The following TMEM68 variants were observed in gnomAD, a reference collection of about 807,000 sequenced individuals.
TMEM68 encodes DGAT1/2-independent enzyme synthesizing storage lipids.
In TMEM68, 25 loss-of-function variants were observed where a neutral mutation model predicts 36.9. That is an observed-to-expected ratio of 0.68 (90% CI 0.49 to 0.95). The LOEUF (loss-of-function observed/expected upper bound fraction) is 0.95. Ranked by LOEUF, TMEM68 falls within the 40% of genes least tolerant of loss-of-function variation. The probability of loss-of-function intolerance (pLI) is 0.00; values close to 1 mark genes in which losing one functional copy is unlikely to be tolerated. For synonymous variants in TMEM68, 131 were observed against 124.4 expected (o/e 1.05, Z -0.35); for missense variants, 333 against 392.0 (o/e 0.85, Z 1.27).
chr8:55,744,956 C>T (rs1011516120), intron 6 of TMEM68, 105 bp downstream of exon 6: 3 of 639,404 alleles, frequency 4.7e-6, no homozygotes, highest in Non-Finnish European at 7.2e-6. Context: ...AATAGTATAT[C>T]CATTTTCTAA....
intron 1 of TMEM68, among the ~76,000 whole-genome samples, chr8:55,769,639 C>CT (rs542678482): frequency 3.0e-4 from 45 of 147,920 alleles, no homozygotes; most frequent in Non-Finnish European, 5.0e-4. Context: ...TCGTCTAAAA[C>CT]TTTTTTTTTT....
At chr8:55,746,469 T>C (rs1041938835) in intron 5 of TMEM68, 1 of 152,050 alleles carries the variant, frequency 6.6e-6, no homozygotes, top group Non-Finnish European at 1.5e-5. Flanking sequence ...TAATGAAGTA[T>C]TGATATGTAA....
intron 5 of TMEM68, chr8:55,748,123 G>A (rs1029119966): frequency 1.3e-5 from 2 of 152,144 alleles, no homozygotes; most frequent in African/African-American, 4.8e-5. Context: ...CATCCTTAAA[G>A]CCACAAGCAT....
At chr8:55,761,402 T>A (rs1810786210) in intron 3 of TMEM68, 1 of 152,230 alleles carries the variant, frequency 6.6e-6, no homozygotes, top group South Asian at 2.1e-4. Context: ...GCAGTAGAAA[T>A]CTTACTGGAC....
At chr8:55,743,712 A>G (rs1338394231) in intron 6 of TMEM68, 92 bp from the exon 7 acceptor site, 1 of 1,203,274 alleles carries the variant, frequency 8.3e-7, no homozygotes, top group Non-Finnish European at 1.1e-6. Flanking sequence ...GACTTACAGG[A>G]AGGTGGCAAA....
At chr8:55,772,213 T>C (rs190931286) in intron 1 of TMEM68, among the ~76,000 whole-genome samples, 4 of 152,348 alleles carry the variant, frequency 2.6e-5, no homozygotes, top group African/African-American at 9.6e-5. Context: ...ATATTTCCAC[T>C]AACTAGTAAA....
intron 7 of TMEM68, among the ~76,000 whole-genome samples, chr8:55,742,795 C>T (rs186508871): frequency 4.6e-4 from 69 of 150,242 alleles, no homozygotes; most frequent in Non-Finnish European, 7.8e-4. Flanking sequence ...GAGAACATGA[C>T]ATTTGTAGGG....
intron 5 of TMEM68, chr8:55,746,351 A>G (rs561708613): frequency 8.8e-4 from 124 of 141,662 alleles, no homozygotes; most frequent in African/African-American, 3.1e-3. Flanking sequence ...AGAATTCTCC[A>G]TAATTGATTG....
chr8:55,766,187 T>G (rs545660745), intron 1 of TMEM68, among the ~76,000 whole-genome samples: 11 of 138,794 alleles, frequency 7.9e-5, no homozygotes, highest in Admixed American at 1.5e-4. Context: ...CTCTAAAAGA[T>G]ATTTTTCAGC....
At chr8:55,758,287 A>G (rs1238261600) in intron 3 of TMEM68, among the ~76,000 whole-genome samples, 2 of 152,194 alleles carry the variant, frequency 1.3e-5, no homozygotes, top group Non-Finnish European at 2.9e-5. Context: ...TCCACCTCCA[A>G]CCGACCACCA....
chr8:55,764,607 A>G (rs1810906981), intron 1 of TMEM68, among the ~76,000 whole-genome samples: 1 of 152,234 alleles, frequency 6.6e-6, no homozygotes, highest in African/African-American at 2.4e-5. Flanking sequence ...TTAGGAGGGC[A>G]GGCACTGACT....
intron 7 of TMEM68, among the ~76,000 whole-genome samples, chr8:55,742,696 A>G (rs1810140065): frequency 1.3e-5 from 2 of 152,070 alleles, no homozygotes; most frequent in African/African-American, 4.8e-5. Flanking sequence ...TGAGCCACCA[A>G]GCATGGCCCA....
intron 4 of TMEM68, among the ~76,000 whole-genome samples, chr8:55,754,043 G>A (rs1349441719): frequency 1.3e-5 from 2 of 151,906 alleles, no homozygotes; most frequent in African/African-American, 4.8e-5. Context: ...AGTGAGTCGC[G>A]ATCGCACCAT....
At chr8:55,769,549 AAAACATACGAAAAAC>A (rs1441814810) in intron 1 of TMEM68, among the ~76,000 whole-genome samples, 1 of 152,156 alleles carries the variant, frequency 6.6e-6, no homozygotes, top group Admixed American at 6.6e-5. Context: ...GTTATCTAAG[AAAACATACGAAAAAC>A]ACTTACTTTC....
Position 55,756,307 on chromosome 8 carries a change from T to C in TMEM68, c.430A>G (p.Ile144Val), listed in dbSNP as rs1810607376. The C allele has an allele frequency of 6.2e-7, 1 of 1,607,854 alleles. No individual in the cohort carries two copies. The highest frequency in any genetic ancestry group is 8.5e-7 in the Non-Finnish European group (1 of 1,178,350). The change falls in exon 4 of 8, where the codon ATA (isoleucine) becomes GTA (valine). Residue 144 changes from isoleucine (I) to valine (V), a missense_variant. Coordinates refer to ENST00000434581, the MANE Select transcript of TMEM68 (RefSeq NM_001286657.2). Reference protein sequence around the residue: ...PIDFYYFMAKIFIHKGRTCRV... With the variant: ...PIDFYYFMAKVFIHKGRTCRV... ...CAAGTTCTGCCTTTGTGTATAAATA[T>C]TTTAGCCATGAAATAGTAAAAATCT...
At chr8:55,758,323 A>C (rs1352651851) in intron 3 of TMEM68, among the ~76,000 whole-genome samples, 1 of 152,208 alleles carries the variant, frequency 6.6e-6, no homozygotes, top group African/African-American at 2.4e-5. Context: ...CTTAGTCATA[A>C]ATCCTATTTA....
chr8:55,755,186 C>T (rs1810565396), intron 4 of TMEM68, among the ~76,000 whole-genome samples: 1 of 151,070 alleles, frequency 6.6e-6, no homozygotes, highest in Non-Finnish European at 1.5e-5. Context: ...TGTTATAAAT[C>T]TTATCAGGCA....
chr8:55,767,460 T>C (rs1313435893), intron 1 of TMEM68, among the ~76,000 whole-genome samples: 1 of 152,136 alleles, frequency 6.6e-6, no homozygotes, highest in Non-Finnish European at 1.5e-5. Flanking sequence ...AAGATGTCTA[T>C]TGGACATCCA....
In TMEM68 at chr8:55,763,943, T is replaced by C. The variant is rs939205050; in HGVS notation, c.-77A>G. The C allele has an allele frequency of 2.6e-5, 4 of 152,228 alleles. No individual in the cohort carries two copies. The highest frequency in any genetic ancestry group is 7.2e-5 in the African/African-American group (3 of 41,462). 9.4% of individuals were successfully genotyped at this position (152,228 alleles called of 1,614,324 possible). A position where few individuals can be genotyped will look rare whatever the true frequency, so the allele number is the denominator to read the frequency against. ...AACAGTCATTGGACTTACCAGAAGT[T>C]AGATAAATATCTTGTCCCAAACTTC... On this transcript the variant is annotated 5_prime_UTR_variant, in exon 2 of 8. Coordinates refer to ENST00000434581, the MANE Select transcript of TMEM68 (RefSeq NM_001286657.2).
Sources: gnomAD v4.1 joint callset for allele counts (sites outside exome capture counted in the v4.1 genomes callset) on GRCh38, gnomAD v4.1.1 for gene constraint, MANE v1.5 for transcripts, NCBI Gene and HGNC (gene_info 2026-07-23, HGNC 2026-07-21) for gene names.